Variants in PHOSPHO1 observed in about 807,000 individuals in gnomAD.
PHOSPHO1 encodes the protein phosphoethanolamine/phosphocholine phosphatase.
A neutral mutation model predicts 17.7 loss-of-function variants in PHOSPHO1; 6 were observed. That is an observed-to-expected ratio of 0.34 (90% CI 0.19 to 0.67). The LOEUF (loss-of-function observed/expected upper bound fraction) is 0.67, where lower values mean the gene tolerates loss of function less well. Among genes scored for constraint, PHOSPHO1 ranks in the 30% least tolerant of loss-of-function variants. PHOSPHO1 has a pLI of 0.69. For synonymous variants in PHOSPHO1, 159 were observed against 174.6 expected, an observed-to-expected ratio of 0.91 and a Z score of 0.71; for missense variants, 330 against 392.1, an observed-to-expected ratio of 0.84 and a Z score of 1.34.
chr17:49,224,770 C>G lies in PHOSPHO1; in HGVS notation c.280G>C (p.Glu94Gln). 6.3e-7 allele frequency: 1 copy of G among 1,598,970 alleles called. No individual in the cohort carries two copies. Among genetic ancestry groups the G allele is most frequent in the Non-Finnish European group, 8.5e-7 (1 of 1,173,136 alleles). ...VRPRDLSAIYEAIPLSPGMSD... is the reference protein window; with the variant it reads ...VRPRDLSAIYQAIPLSPGMSD... ...ATGCCTGGCGACAAAGGGATGGCTT[C>G]GTAGATGGCGCTCAGGTCCCGCGGC... Residue 94 changes from glutamate (E) to glutamine (Q), a missense_variant, in exon 3 of 3, where the codon GAA becomes CAA. Transcript: ENST00000310544.
chr17:49,228,787 CAAAAAAAAAA>C, intron 1 of PHOSPHO1, among the ~76,000 whole-genome samples: 1 of 78,810 alleles, frequency 1.3e-5, no homozygotes, highest in Admixed American at 1.4e-4. Flanking sequence ...GACTCCGTCT[CAAAAAAAAAA>C]AAAAAAAAAA....
chr17:49,226,863 T>G, intron 1 of PHOSPHO1, 105 bp from the exon 2 acceptor site: 1 of 681,018 alleles, frequency 1.5e-6, no homozygotes, highest in Admixed American at 2.5e-5. Flanking sequence ...CAGGAGGCAT[T>G]CCCAGGGTCT....
intron 2 of PHOSPHO1, among the ~76,000 whole-genome samples, chr17:49,226,061 G>C (rs903789983): frequency 2.0e-5 from 3 of 151,968 alleles, no homozygotes; most frequent in Non-Finnish European, 4.4e-5. Context: ...CTGGGCACAA[G>C]GAAAGGCAAG....
At position 49,224,325 on chromosome 17, in the gene PHOSPHO1, G is replaced by A. The variant is rs745334818; in HGVS notation, c.725C>T (p.Ser242Leu). ...CCAGGGCACCACGCTGGCGCGGAAC[G>A]AGCTGGGCTCGGCCTTCTGGGCCTC... Reference protein sequence around the residue: ...IQEAQKAEPSSFRASVVPWET... With the variant: ...IQEAQKAEPSLFRASVVPWET... The change falls in exon 3 of 3, where the codon TCG becomes TTG. Residue 242 changes from serine (S) to leucine (L), a missense_variant. Ser to Leu is a moderately radical substitution (Grantham distance 145). Coordinates refer to ENST00000310544, the MANE Select transcript of PHOSPHO1 (RefSeq NM_178500.4). The A allele has an allele frequency of 2.5e-6, 4 of 1,590,460 alleles. No individual in the cohort carries two copies. The highest frequency in any genetic ancestry group is 1.3e-5 in the African/African-American group (1 of 74,608).
intron 2 of PHOSPHO1, chr17:49,225,907 C>A: frequency 8.9e-7 from 1 of 1,126,464 alleles, no homozygotes; most frequent in Non-Finnish European, 1.1e-6. Context: ...TCTAGGGGAT[C>A]TTGGAGACAG....
Position 49,224,871 on chromosome 17 carries a change from C to A in PHOSPHO1, c.179G>T (p.Arg60Leu). Reference protein sequence around the residue: ...APGQRLPESLRATYREGFYNE... With the variant: ...APGQRLPESLLATYREGFYNE... Reference sequence around the variant, plus strand: ...GTAGAAGCCCTCGCGGTAGGTGGCTCGCAGGCTCTCCGGGAGCCGCTGGCC... The same window carrying A: ...GTAGAAGCCCTCGCGGTAGGTGGCTAGCAGGCTCTCCGGGAGCCGCTGGCC... Residue 60 changes from arginine (R) to leucine (L), a missense_variant, in exon 3 of 3, where the codon CGA becomes CTA. Transcript: ENST00000310544. The A allele has an allele frequency of 1.9e-6, 3 of 1,605,670 alleles. No homozygotes were observed. Among genetic ancestry groups the A allele is most frequent in the Non-Finnish European group, 2.5e-6 (3 of 1,176,892 alleles).
intron 1 of PHOSPHO1, among the ~76,000 whole-genome samples, chr17:49,229,802 G>A (rs981281080): frequency 1.3e-5 from 2 of 152,250 alleles, no homozygotes; most frequent in African/African-American, 4.8e-5. Context: ...CACCACGCCC[G>A]AGCAGCAGAT....
rs943579379 is a variant in PHOSPHO1 at position 49,224,390 on chromosome 17, G to C, written c.660C>G (p.Ala220=). Reference sequence around the variant, plus strand: ...GCATGGGGTAGCCGCGGCGCGGGAAGGCCACGTCGCCGCCCGCCAGCAGCC... The same window carrying C: ...GCATGGGGTAGCCGCGGCGCGGGAACGCCACGTCGCCGCCCGCCAGCAGCC... ...PMGLLAGGDV[A]FPRRGYPMHR... Residue 220 remains alanine (A), a synonymous_variant, in exon 3 of 3, where the codon GCC becomes GCG. Transcript: ENST00000310544. 2 of 1,548,402 alleles carry C rather than the reference G, an allele frequency of 1.3e-6. No homozygotes were observed. The highest frequency in any genetic ancestry group is 4.9e-5 in the East Asian group (2 of 41,096).
chr17:49,226,709 G>A lies in PHOSPHO1; in HGVS notation c.-18C>T. The A allele has an allele frequency of 3.7e-6, 6 of 1,614,126 alleles. No individual in the cohort carries two copies. Among genetic ancestry groups the A allele is most frequent in the Non-Finnish European group, 5.1e-6 (6 of 1,180,002 alleles). ...CCACTCATTGTCGGTGCATTACCGTGAGCACCACCTGTAGGGACTCTGTTG... is the reference window on the plus strand; with the variant it reads ...CCACTCATTGTCGGTGCATTACCGTAAGCACCACCTGTAGGGACTCTGTTG... On this transcript the variant is annotated 5_prime_UTR_variant, in exon 2 of 3. Transcript: ENST00000310544.
chr17:49,228,134 A>G (rs1164606762), intron 1 of PHOSPHO1, among the ~76,000 whole-genome samples: 2 of 152,188 alleles, frequency 1.3e-5, no homozygotes, highest in Non-Finnish European at 2.9e-5. Context: ...CATCTGGAGA[A>G]GCAAGGGGTA....
Position 49,223,947 on chromosome 17 carries a change from T to G in PHOSPHO1, c.*299A>C. ...TGCCGGGGGGGCCCCTTCCTCCCAG[T>G]TGGGAGGACCAGGAAATACTGCTGC... On this transcript the variant is annotated 3_prime_UTR_variant, in exon 3 of 3. Coordinates refer to ENST00000310544, the MANE Select transcript of PHOSPHO1 (RefSeq NM_178500.4). 6.2e-6 allele frequency: 2 copies of G among 323,708 alleles called. No individual in the cohort carries two copies. The highest frequency in any genetic ancestry group is 1.1e-5 in the Non-Finnish European group (2 of 178,588). 20.1% of individuals were successfully genotyped at this position (323,708 alleles called of 1,614,324 possible).
chr17:49,224,664 A>G lies in PHOSPHO1; in HGVS notation c.386T>C (p.Val129Ala). ...GCCGGCGGCGCGCAGCGAGCTCTCC[A>G]CGCCAAAGGTGTTGGCATCGGAGAT... ...ILISDANTFG[V>A]ESSLRAAGHH... The change falls in exon 3 of 3, where the codon GTG (valine) becomes GCG (alanine). Residue 129 changes from valine to alanine, a missense_variant. By Grantham distance (64) the Val-to-Ala change is moderately conservative. Transcript: ENST00000310544. The G allele has an allele frequency of 6.3e-7, 1 of 1,588,252 alleles. No individual in the cohort carries two copies. The highest frequency in any genetic ancestry group is 1.7e-5 in the Admixed American group (1 of 57,290).
chr17:49,226,321 A>T (rs960049607), intron 2 of PHOSPHO1, among the ~76,000 whole-genome samples: 1 of 152,134 alleles, frequency 6.6e-6, no homozygotes, highest in Admixed American at 6.5e-5. Context: ...CAGAAACCCA[A>T]GCTCCTCATT....
At chr17:49,228,564 G>T (rs1348964765) in intron 1 of PHOSPHO1, among the ~76,000 whole-genome samples, 2 of 152,048 alleles carry the variant, frequency 1.3e-5, no homozygotes, top group Admixed American at 1.3e-4. Flanking sequence ...GCCGAGGCAG[G>T]CGAATCACGA....
chr17:49,226,647 C>G lies in PHOSPHO1; in HGVS notation c.45G>C (p.Arg15Ser), dbSNP rs372420232. The G allele has an allele frequency of 1.2e-5, 20 of 1,614,172 alleles. No homozygotes were observed. Among genetic ancestry groups the G allele is most frequent in the Non-Finnish European group, 1.7e-5 (20 of 1,180,018 alleles). The change falls in exon 2 of 3, where the codon AGG (arginine) becomes AGC (serine). Residue 15 changes from arginine to serine, a missense_variant and splice_region_variant. By Grantham distance (110) the Arg-to-Ser change is moderately radical (BLOSUM62 -1). Transcript: ENST00000310544. Reference sequence around the variant, plus strand: ...GAGACCCCTGGAGGGACCCACTTACCCTAGATAGGCAGCGGAGGCCAGAAA... The same window carrying G: ...GAGACCCCTGGAGGGACCCACTTACGCTAGATAGGCAGCGGAGGCCAGAAA... ...FPVSGLRCLSRDGRMAAQGAP... is the reference protein window; with the variant it reads ...FPVSGLRCLSSDGRMAAQGAP...
rs1474637577 is a variant in PHOSPHO1, at chr17:49,230,514, TAAG to T, written c.-117_-115del. The T allele has an allele frequency of 3.3e-5, 5 of 152,116 alleles. No individual in the cohort carries two copies. Among genetic ancestry groups the T allele is most frequent in the African/African-American group, 1.2e-4 (5 of 41,270 alleles). The allele number at this position is 152,116 out of a possible 1,614,324, so 9.4% of individuals were successfully genotyped here. A position where few individuals can be genotyped will look rare whatever the true frequency, so the allele number is the denominator to read the frequency against. On this transcript the variant is annotated 5_prime_UTR_variant, in exon 1 of 3. Coordinates refer to ENST00000310544, the MANE Select transcript of PHOSPHO1 (RefSeq NM_178500.4). ...GTCTGTCCCGGCTGAGTTTGGAGTG[TAAG>T]AAGTGGGGAAGGGGGCTAGCTGAGG...
intron 1 of PHOSPHO1, among the ~76,000 whole-genome samples, chr17:49,227,183 A>T (rs2043365680): frequency 6.6e-6 from 1 of 152,164 alleles, no homozygotes; most frequent in African/African-American, 2.4e-5. Context: ...CGCTGTTTAC[A>T]TGGGGCATAG....
intron 2 of PHOSPHO1, chr17:49,225,517 C>T (rs757860838): frequency 1.9e-5 from 23 of 1,226,996 alleles, no homozygotes; most frequent in Non-Finnish European, 2.4e-5. Flanking sequence ...CCTCATTCTC[C>T]TTTTGGGCCA....
intron 2 of PHOSPHO1, 109 bp downstream of exon 2, chr17:49,226,538 T>C: frequency 2.5e-6 from 3 of 1,178,882 alleles, no homozygotes; most frequent in Non-Finnish European, 3.8e-6. Flanking sequence ...GAGGTGAGGG[T>C]AAACCTAAAA....
Sources: gnomAD v4.1 joint callset for allele counts (sites outside exome capture counted in the v4.1 genomes callset) on GRCh38, gnomAD v4.1.1 for gene constraint, MANE v1.5 for transcripts, NCBI Gene and HGNC (gene_info 2026-07-23, HGNC 2026-07-21) for gene names.